Variants in MELTF observed in about 807,000 individuals in gnomAD.
The protein encoded by MELTF is antigen p97 (melanoma associated) identified by monoclonal antibodies 133.2 and 96.5.
A neutral mutation model predicts 83.7 loss-of-function variants in MELTF; 67 were observed. The ratio of observed to expected loss-of-function variants is 0.80; its 90% confidence interval spans 0.66 to 0.98. The LOEUF is 0.98. MELTF is among the 50% of genes least tolerant of loss of function. The pLI, the probability that MELTF is intolerant of heterozygous loss-of-function variation, is 0.00. For missense variants in MELTF, 1,002 were observed against 1,035.6 expected, an observed-to-expected ratio of 0.97 and a Z score of 0.44; for synonymous variants, 462 against 447.6, an observed-to-expected ratio of 1.03 and a Z score of -0.41.
intron 6 of MELTF, 40 bp downstream of exon 6, chr3:197,021,364 A>T (rs1182058441): frequency 6.8e-6 from 11 of 1,606,860 alleles, no homozygotes; most frequent in Non-Finnish European, 9.4e-6. Flanking sequence ...GCCTGGCCTG[A>T]CTCCCTGCTC....
At chr3:197,017,738 G>A (rs536773356) in intron 6 of MELTF, among the ~76,000 whole-genome samples, 58 of 152,160 alleles carry the variant, frequency 3.8e-4, no homozygotes, top group East Asian at 1.2e-3. Context: ...TTAGCTGGGC[G>A]TGGTGGCGGG....
chr3:197,003,206 G>C lies in MELTF; in HGVS notation c.*166C>G, dbSNP rs1167334848. On this transcript the variant is annotated 3_prime_UTR_variant, in exon 16 of 16. Transcript: ENST00000296350. This position sits in a 1 kb window ranked among gnomAD's most constrained non-coding sequence, Gnocchi z 6.2. ...GCGCGGGCCCGGGGGCGGCGCCTCA[G>C]GTAGCAGCGCCAGGTGGCGCCCGTG... The C allele has an allele frequency of 1.3e-6, 1 of 744,562 alleles. No individual in the cohort carries two copies. The highest frequency in any genetic ancestry group is 1.7e-6 in the Non-Finnish European group (1 of 604,818). 46.1% of individuals were successfully genotyped at this position (744,562 alleles called of 1,614,324 possible).
intron 6 of MELTF, among the ~76,000 whole-genome samples, chr3:197,020,381 G>T (rs61370412): frequency 0.24 from 35,912 of 151,976 alleles, 4,399 homozygotes; most frequent in Admixed American, 0.33. Flanking sequence ...GTCCTGATTT[G>T]GATTACTGTG....
chr3:197,025,489 T>C (rs1276990676), intron 3 of MELTF: 2 of 152,354 alleles, frequency 1.3e-5, no homozygotes, highest in Admixed American at 1.3e-4. Flanking sequence ...ACCCTCGTTT[T>C]CTCTGTCCTG....
Position 197,016,811 on chromosome 3 carries a change from G to C in MELTF, c.900+292C>G, listed in dbSNP as rs80243414. 5.6e-5 allele frequency among the ~76,000 whole-genome samples: 5 copies of C among 88,982 alleles called. No homozygotes were observed. Among genetic ancestry groups the C allele is most frequent in the Non-Finnish European group, 1.2e-4 (5 of 41,822 alleles). 58.4% of individuals were successfully genotyped at this position (88,982 alleles called of 152,430 possible). On this transcript the variant is annotated intron_variant, in intron 7 of 15. Coordinates refer to ENST00000296350, the MANE Select transcript of MELTF (RefSeq NM_005929.6). ...TGAAAGGCGCTGGTTTTGTTACTTG[G>C]TTTATTTGCTCATATGTTTTGGTTT... is the stretch of plus-strand genomic sequence containing the variant.
At position 197,008,649 on chromosome 3, in the gene MELTF, C is replaced by T; in HGVS notation, c.1750+8G>A. 5 of 1,613,428 alleles carry T rather than the reference C, an allele frequency of 3.1e-6. No homozygotes were observed. Among genetic ancestry groups the T allele is most frequent in the Non-Finnish European group, 4.2e-6 (5 of 1,179,650 alleles). ...CCTACCTTTGGCCCTGCTCTTGCCC[C>T]CACCTACCGTTTGTGTTGTCAAAGA... is the stretch of plus-strand genomic sequence containing the variant. On this transcript the variant is annotated splice_region_variant and intron_variant, in intron 13 of 15. Coordinates refer to ENST00000296350, the MANE Select transcript of MELTF (RefSeq NM_005929.6). The surrounding 1 kb of genome is among the most constrained non-coding windows in gnomAD (Gnocchi z 5.4).
Position 197,017,002 on chromosome 3 carries a change from G to A in MELTF, c.900+101C>T. The A allele has an allele frequency of 4.6e-6, 6 of 1,310,044 alleles. No individual in the cohort carries two copies. The South Asian group carries it at 7.0e-5, about 15-fold the overall frequency. 81.2% of individuals were successfully genotyped at this position (1,310,044 alleles called of 1,614,324 possible). On this transcript the variant is annotated intron_variant, in intron 7 of 15. Coordinates refer to ENST00000296350, the MANE Select transcript of MELTF (RefSeq NM_005929.6). ...GATGCTGGGGTCCGTCCCAAGGACA[G>A]TCTCTGGGTCCTGCCCCTCCTGGTC...
chr3:197,024,454 C>A lies in MELTF; in HGVS notation c.336G>T (p.Val112=), dbSNP rs778799909. Residue 112 remains valine (V), a synonymous_variant, in exon 4 of 16, where the codon GTG becomes GTT. Transcript: ENST00000296350. The surrounding 1 kb of genome is among the most constrained non-coding windows in gnomAD (Gnocchi z 5.3). The stretch of plus-strand genomic sequence containing the variant: ...TGGTCACATGGGAGCTCCTCCTGAC[C>A]ACAGCCACGGCGTAATAGGAGGTAC... The part of the protein sequence containing the change: ...EVGTSYYAVA[V]VRRSSHVTID... The A allele has an allele frequency of 2.5e-6, 4 of 1,602,898 alleles. No individual in the cohort carries two copies. Among genetic ancestry groups the A allele is most frequent in the Admixed American group, 3.4e-5 (2 of 59,340 alleles).
In MELTF at chr3:197,009,547, A is replaced by G. The variant is rs536695789; in HGVS notation, c.1525+71T>C. 68 of 1,479,298 alleles carry G rather than the reference A, an allele frequency of 4.6e-5. No homozygotes were observed. The African/African-American group carries it at 5.7e-4, about 12-fold the overall frequency. 91.6% of individuals were successfully genotyped at this position (1,479,298 alleles called of 1,614,324 possible). Reference sequence around the variant, plus strand: ...ACCTTCCAACAAGGTCCTCTCCCCAACAGGCTGCGGGTCCCTAGCTAACCC... The same window carrying G: ...ACCTTCCAACAAGGTCCTCTCCCCAGCAGGCTGCGGGTCCCTAGCTAACCC... On this transcript the variant is annotated intron_variant, in intron 11 of 15. Transcript: ENST00000296350.
Position 197,016,068 on chromosome 3 carries a change from A to G in MELTF, c.1081+121T>C, listed in dbSNP as rs904973618. The G allele has an allele frequency of 9.7e-6, 8 of 827,230 alleles. No individual in the cohort carries two copies. The Admixed American group carries it at 2.4e-4, about 25-fold the overall frequency. The allele number at this position is 827,230 out of a possible 1,614,324, so 51.2% of individuals were successfully genotyped here. A position where few individuals can be genotyped will look rare whatever the true frequency, so the allele number is the denominator to read the frequency against. On this transcript the variant is annotated intron_variant, in intron 8 of 15. Transcript: ENST00000296350. The stretch of plus-strand genomic sequence containing the variant: ...CCCCAGGGGCAGAGGAATGGAAATG[A>G]CAGGTTCCCGCAGAGGCCTCCCTGG...
At chr3:197,015,812 A>G (rs553228783) in intron 8 of MELTF, among the ~76,000 whole-genome samples, 3 of 152,148 alleles carry the variant, frequency 2.0e-5, no homozygotes, top group Non-Finnish European at 2.9e-5. Context: ...CTACTGCAAT[A>G]GTCCAGGCGA....
At chr3:197,009,028 C>G (rs185650589) in intron 11 of MELTF, 63 bp from the exon 12 acceptor site, 5 of 1,589,688 alleles carry the variant, frequency 3.1e-6, no homozygotes, top group Non-Finnish European at 4.3e-6. Flanking sequence ...GGGAGCTGGG[C>G]GGGCCGCTCC....
chr3:197,006,107 G>A lies in MELTF; in HGVS notation c.1938+442C>T, dbSNP rs1718966693. 6.6e-6 allele frequency among the ~76,000 whole-genome samples: 1 copy of A among 152,130 alleles called. No homozygotes were observed. The highest frequency in any genetic ancestry group is 1.5e-5 in the Non-Finnish European group (1 of 68,018). On this transcript the variant is annotated intron_variant, in intron 14 of 15. Coordinates refer to ENST00000296350, the MANE Select transcript of MELTF (RefSeq NM_005929.6). The surrounding 1 kb of genome is among the most constrained non-coding windows in gnomAD (Gnocchi z 5.4). ...ATGGTGGCGGGTGCCTGTAGTCCCA[G>A]CTACTCAGGAGGCTGAGGTGGGAGA...
chr3:197,020,046 A>G (rs181922349), intron 6 of MELTF, among the ~76,000 whole-genome samples: 4 of 152,286 alleles, frequency 2.6e-5, no homozygotes, highest in African/African-American at 9.6e-5. Context: ...AACTCATAGA[A>G]CTATCCTTCA....
Position 197,024,356 on chromosome 3 carries a change from C to A in MELTF, c.434G>T (p.Gly145Val). Residue 145 changes from glycine (G) to valine (V), a missense_variant, in exon 4 of 16, where the codon GGC (glycine) becomes GTC (valine). Physicochemically the swap from Gly to Val is moderately radical, Grantham distance 109 (BLOSUM62 -3). Transcript: ENST00000296350. The surrounding 1 kb of genome is among the most constrained non-coding windows in gnomAD (Gnocchi z 5.3). ...NRTVGWNVPVGYLVESGRLSV... is the reference protein window; with the variant it reads ...NRTVGWNVPVVYLVESGRLSV... ...GAGGCGGCCGCTCTCCACCAGGTAG[C>A]CCACGGGCACGTTCCAGCCCACTGT... 4 of 1,601,164 alleles carry A rather than the reference C, an allele frequency of 2.5e-6. No individual in the cohort carries two copies. The highest frequency in any genetic ancestry group is 1.1e-5 in the South Asian group (1 of 90,508).
At chr3:197,019,093 C>T (rs1577939606) in intron 6 of MELTF, 1 of 985,606 alleles carries the variant, frequency 1.0e-6, no homozygotes, top group East Asian at 1.1e-4. Context: ...AACACCCGCA[C>T]CAGAGTGATC....
intron 6 of MELTF, among the ~76,000 whole-genome samples, chr3:197,017,904 C>A (rs1055828741): frequency 9.2e-5 from 14 of 152,076 alleles, no homozygotes; most frequent in African/African-American, 3.4e-4. Flanking sequence ...TTGGGTGAGA[C>A]AGATGAATGT....
intron 6 of MELTF, among the ~76,000 whole-genome samples, chr3:197,020,479 GAACA>G (rs1577941190): frequency 6.9e-6 from 1 of 145,156 alleles, no homozygotes; most frequent in Non-Finnish European, 1.5e-5. Flanking sequence ...AAATGGGTCA[GAACA>G]CACACGCACA....
Position 197,002,231 on chromosome 3 carries a change from C to A in MELTF, c.*1141G>T, listed in dbSNP as rs1043866178. ...GGCCTGTCACCAGCATCCCCGAGCC[C>A]CCGCAGACCGGAATGCAAATGGCTC... is the stretch of plus-strand genomic sequence containing the variant. On this transcript the variant is annotated 3_prime_UTR_variant, in exon 16 of 16. Coordinates refer to ENST00000296350, the MANE Select transcript of MELTF (RefSeq NM_005929.6). 1 of 152,266 alleles carries A rather than the reference C, an allele frequency of 6.6e-6. No homozygotes were observed. The highest frequency in any genetic ancestry group is 1.5e-5 in the Non-Finnish European group (1 of 68,066). The allele number at this position is 152,266 out of a possible 1,614,324, so 9.4% of individuals were successfully genotyped here.
Sources: allele counts gnomAD v4.1 joint callset (sites outside exome capture counted in the v4.1 genomes callset), GRCh38; gene constraint gnomAD v4.1.1; non-coding constraint Gnocchi (gnomAD v3.1); transcripts MANE v1.5; gene names NCBI Gene and HGNC (gene_info 2026-07-23, HGNC 2026-07-21).